The following SLC25A48 variants were observed in gnomAD, a reference collection of about 807,000 sequenced individuals.
SLC25A48 encodes solute carrier family 25 member 48, also known as CTC-321K16.1.
Under a neutral mutation model 32.2 loss-of-function variants are expected in SLC25A48, and 29 were observed. The observed-to-expected ratio is 0.90, with a 90% CI of 0.67 to 1.23. The LOEUF (loss-of-function observed/expected upper bound fraction) is 1.23. Among genes scored for constraint, SLC25A48 ranks in the 50% most tolerant of loss-of-function variants. The pLI, the probability that SLC25A48 is intolerant of heterozygous loss-of-function variation, is 0.00. For missense variants in SLC25A48, 399 were observed against 422.7 expected, an observed-to-expected ratio of 0.94 and a Z score of 0.49; for synonymous variants, 164 against 172.3, an observed-to-expected ratio of 0.95 and a Z score of 0.38.
intron 4 of SLC25A48, among the ~76,000 whole-genome samples, chr5:135,860,244 C>G (rs1364723323): frequency 1.3e-5 from 2 of 152,244 alleles, no homozygotes; most frequent in Non-Finnish European, 1.5e-5. Flanking sequence ...GAAGAGGTGT[C>G]TGGGGAAGTG....
intron 1 of SLC25A48, among the ~76,000 whole-genome samples, chr5:135,613,162 C>T (rs887023516): frequency 5.3e-5 from 8 of 152,070 alleles, no homozygotes; most frequent in Non-Finnish European, 1.0e-4. Flanking sequence ...CTTGCATTTC[C>T]CTGGTGATTA....
rs577501271 is a variant in SLC25A48 at position 135,816,355 on chromosome 5, A to T, written c.-117+3429A>T. Among the ~76,000 whole-genome samples the T allele has an allele frequency of 1.4e-3, 219 of 152,296 alleles. 1 individual carries two copies. The highest frequency in any genetic ancestry group is 5.2e-3 in the African/African-American group (214 of 41,548). On this transcript the variant is annotated intron_variant, in intron 4 of 10. Transcript: ENST00000646290. ...TTTGCTACTAAAATAAAAACAGTTA[A>T]CCTGTGTGTCATCTAAAATCGTTTT...
chr5:135,841,482 C>A (rs1020637598), intron 1 of SLC25A48, among the ~76,000 whole-genome samples: 5 of 152,088 alleles, frequency 3.3e-5, no homozygotes, highest in Non-Finnish European at 7.4e-5. Context: ...AATATAAAAA[C>A]CAAATTGACA....
intron 5 of SLC25A48, 41 bp downstream of exon 5, chr5:135,871,759 C>T (rs1761670678): frequency 1.2e-6 from 2 of 1,604,322 alleles, no homozygotes; most frequent in African/African-American, 2.7e-5. Flanking sequence ...CTGTGCAGGC[C>T]ACAGCAGTGG....
At chr5:135,734,532 TAAG>T (rs1028367206) in intron 3 of SLC25A48, among the ~76,000 whole-genome samples, 4 of 151,842 alleles carry the variant, frequency 2.6e-5, no homozygotes, top group African/African-American at 9.7e-5. Flanking sequence ...CCCTATTTAT[TAAG>T]AAGGGGAAGG....
At chr5:135,591,566 T>C (rs1751529302) in intron 1 of SLC25A48, among the ~76,000 whole-genome samples, 1 of 152,210 alleles carries the variant, frequency 6.6e-6, no homozygotes, top group Non-Finnish European at 1.5e-5. Context: ...TATCCTGCTT[T>C]CTTCTGCAGC....
At chr5:135,682,377 A>T (rs1337051675) in intron 3 of SLC25A48, among the ~76,000 whole-genome samples, 1 of 152,114 alleles carries the variant, frequency 6.6e-6, no homozygotes, top group Non-Finnish European at 1.5e-5. Flanking sequence ...ACTCTTCGTC[A>T]AGGCAATTTC....
chr5:135,623,919 A>G (rs1580731749), intron 1 of SLC25A48, among the ~76,000 whole-genome samples: 1 of 152,124 alleles, frequency 6.6e-6, no homozygotes, highest in East Asian at 1.9e-4. Flanking sequence ...CGGGTACCTC[A>G]TGAGGAATGG....
At chr5:135,845,454 T>A (rs1456050786) in intron 2 of SLC25A48, among the ~76,000 whole-genome samples, 1 of 152,200 alleles carries the variant, frequency 6.6e-6, no homozygotes, top group Non-Finnish European at 1.5e-5. Context: ...TCAGCCTGAG[T>A]GCCCCTGTTG....
At chr5:135,750,554 C>T (rs13186037) in intron 3 of SLC25A48, among the ~76,000 whole-genome samples, 45,943 of 151,870 alleles carry the variant, frequency 0.3, 7,070 homozygotes, top group East Asian at 0.46. Context: ...AGGGGCAGCC[C>T]AAGTTCAAGG....
chr5:135,595,377 C>T (rs1011398273), intron 1 of SLC25A48, among the ~76,000 whole-genome samples: 6 of 152,190 alleles, frequency 3.9e-5, no homozygotes, highest in African/African-American at 1.4e-4. Flanking sequence ...CTGCCAAGGG[C>T]CCCACACTGG....
chr5:135,775,901 G>T (rs897300622), intron 3 of SLC25A48, among the ~76,000 whole-genome samples: 1 of 150,670 alleles, frequency 6.6e-6, no homozygotes, highest in Non-Finnish European at 1.5e-5. Flanking sequence ...ATGGTATTAC[G>T]ATCAATATCC....
intron 3 of SLC25A48, among the ~76,000 whole-genome samples, chr5:135,790,642 G>T (rs1580883470): frequency 6.6e-6 from 1 of 151,270 alleles, no homozygotes. Flanking sequence ...TGTCACAGTG[G>T]GTGTACATCC....
chr5:135,874,761 G>T (rs774130263), intron 6 of SLC25A48: 1 of 694,814 alleles, frequency 1.4e-6, no homozygotes, highest in South Asian at 1.5e-5. Context: ...CACCTGAAAA[G>T]GTGCTGCCCC....
chr5:135,595,294 T>C (rs929000020), intron 1 of SLC25A48, among the ~76,000 whole-genome samples: 8 of 152,224 alleles, frequency 5.3e-5, no homozygotes, highest in Non-Finnish European at 1.0e-4. Context: ...GGCATTGCCA[T>C]TCCCACTGTA....
intron 4 of SLC25A48, among the ~76,000 whole-genome samples, chr5:135,820,997 A>G (rs1347470001): frequency 2.0e-5 from 3 of 152,212 alleles, no homozygotes; most frequent in Non-Finnish European, 4.4e-5. Context: ...GTGACCATCA[A>G]TGGCATTCCA....
At chr5:135,807,562 A>G (rs1217498551) in intron 3 of SLC25A48, among the ~76,000 whole-genome samples, 5 of 150,490 alleles carry the variant, frequency 3.3e-5, no homozygotes, top group Non-Finnish European at 5.9e-5. Context: ...TATAATGGAT[A>G]TTTTATTAAT....
chr5:135,676,993 A>G (rs1753787595), intron 3 of SLC25A48, among the ~76,000 whole-genome samples: 1 of 151,972 alleles, frequency 6.6e-6, no homozygotes, highest in Non-Finnish European at 1.5e-5. Flanking sequence ...TGCAGTTTCA[A>G]TTCAATATTT....
intron 2 of SLC25A48, among the ~76,000 whole-genome samples, chr5:135,842,808 TACA>T (rs1759117741): frequency 6.6e-6 from 1 of 152,214 alleles, no homozygotes; most frequent in Admixed American, 6.5e-5. Flanking sequence ...TCTCAGATCA[TACA>T]ACAAGTTAAA....
Sources: gnomAD v4.1 joint callset for allele counts (sites outside exome capture counted in the v4.1 genomes callset) on GRCh38, gnomAD v4.1.1 for gene constraint, MANE v1.5 for transcripts, NCBI Gene and HGNC (gene_info 2026-07-23, HGNC 2026-07-21) for gene names.